Variants in FRAS1 observed in about 807,000 individuals in gnomAD.
FRAS1 encodes Fraser extracellular matrix complex subunit 1.
In FRAS1, 290 loss-of-function variants were observed where a neutral mutation model predicts 435.2. The ratio of observed to expected loss-of-function variants is 0.67; its 90% CI spans 0.61 to 0.73. The LOEUF is 0.73. Ranked by LOEUF, FRAS1 falls within the 30% of genes least tolerant of loss-of-function variation. The probability of loss-of-function intolerance (pLI) is 0.00; values close to 1 mark genes in which losing one functional copy is unlikely to be tolerated. For synonymous variants in FRAS1, 1,800 were observed against 1,851.0 expected (o/e 0.97, Z 0.71); for missense variants, 4,860 against 5,001.5 (o/e 0.97, Z 0.85).
chr4:78,213,179 A>G (rs939501021), intron 2 of FRAS1, among the ~76,000 whole-genome samples: 1 of 152,264 alleles, frequency 6.6e-6, no homozygotes, highest in Admixed American at 6.5e-5. Flanking sequence ...GTGGCCTACC[A>G]TGATTAGAAT....
intron 66 of FRAS1, 112 bp downstream of exon 66, chr4:78,516,125 C>T (rs1721202574): frequency 1.3e-6 from 1 of 741,348 alleles, no homozygotes; most frequent in Non-Finnish European, 2.2e-6. Context: ...GGACAACCAA[C>T]TAAGGGAGTC....
At chr4:78,513,654 T>A in intron 65 of FRAS1, 102 bp downstream of exon 65, 1 of 1,077,016 alleles carries the variant, frequency 9.3e-7, no homozygotes, top group Non-Finnish European at 1.4e-6. Context: ...TTTCTGGTCC[T>A]CAGAATCCAC....
intron 2 of FRAS1, among the ~76,000 whole-genome samples, chr4:78,208,468 T>A (rs1406804466): frequency 6.6e-6 from 1 of 151,988 alleles, no homozygotes; most frequent in Admixed American, 6.6e-5. Context: ...AGAAAAAGAA[T>A]TCAGAATGTC....
At chr4:78,435,560 G>A (rs528685823) in intron 38 of FRAS1, among the ~76,000 whole-genome samples, 6 of 152,180 alleles carry the variant, frequency 3.9e-5, no homozygotes, top group Non-Finnish European at 5.9e-5. Flanking sequence ...CCAACATGGC[G>A]AAACCCTGTC....
At position 78,464,593 on chromosome 4, in the gene FRAS1, C is replaced by T; in HGVS notation, c.7029+10C>T. ...GGATGCTGACACAGAGGTAAGAGCA[C>T]TTCTTCCCATGGGTTCTCTGGCTAA... On this transcript the variant is annotated intron_variant, in intron 49 of 73. Transcript: ENST00000512123. 1 of 1,613,152 alleles carries T rather than the reference C, an allele frequency of 6.2e-7. No individual in the cohort carries two copies. The highest frequency in any genetic ancestry group is 2.2e-5 in the East Asian group (1 of 44,858).
Position 78,496,929 on chromosome 4 carries a change from T to C in FRAS1, c.9083T>C (p.Met3028Thr). The change falls in exon 60 of 74, where the codon ATG becomes ACG. Residue 3028 changes from methionine (M) to threonine (T), a missense_variant. Met to Thr is a moderately conservative substitution (Grantham distance 81). Transcript: ENST00000512123. Reference sequence around the variant, plus strand: ...GGAGCTAGAATTGGAAAGAATAACATGGCCACCATCACCATATCCAATGAT... The same window carrying C: ...GGAGCTAGAATTGGAAAGAATAACACGGCCACCATCACCATATCCAATGAT... ...WSGARIGKNN[M>T]ATITISNDED... The C allele has an allele frequency of 6.2e-7, 1 of 1,613,700 alleles. No individual in the cohort carries two copies. Among genetic ancestry groups the C allele is most frequent in the Non-Finnish European group, 8.5e-7 (1 of 1,179,680 alleles).
rs369436817 is a variant in FRAS1 at position 78,354,114 on chromosome 4, A to G, written c.2423-9399A>G. 8.4e-4 allele frequency among the ~76,000 whole-genome samples: 128 copies of G among 151,714 alleles called. 1 individual carries two copies. The highest frequency in any genetic ancestry group is 3.0e-3 in the African/African-American group (124 of 41,482). On this transcript the variant is annotated intron_variant, in intron 20 of 73. Coordinates refer to ENST00000512123, the MANE Select transcript of FRAS1 (RefSeq NM_025074.7). ...GCAGTGCAAGCTGGCACCAAAACCT[A>G]GAGCTTTGCTTTTACATTTGACACT...
At chr4:78,277,684 C>T (rs1361726949) in intron 9 of FRAS1, among the ~76,000 whole-genome samples, 1 of 151,834 alleles carries the variant, frequency 6.6e-6, no homozygotes, top group Non-Finnish European at 1.5e-5. Flanking sequence ...TTACAGCAAG[C>T]ATTTATTATT....
intron 22 of FRAS1, among the ~76,000 whole-genome samples, chr4:78,365,395 A>C (rs1029280343): frequency 6.6e-6 from 1 of 152,230 alleles, no homozygotes; most frequent in Non-Finnish European, 1.5e-5. Flanking sequence ...TCCATCTTCT[A>C]TTCAGGAGCA....
At chr4:78,406,713 T>A (rs375701115) in intron 30 of FRAS1, among the ~76,000 whole-genome samples, 21 of 152,258 alleles carry the variant, frequency 1.4e-4, no homozygotes, top group African/African-American at 4.8e-4. Context: ...TATTATTTTC[T>A]TTTTACGAAT....
chr4:78,160,809 T>A (rs527634256), intron 2 of FRAS1, among the ~76,000 whole-genome samples: 2 of 152,260 alleles, frequency 1.3e-5, no homozygotes, highest in South Asian at 4.1e-4. Context: ...GCTACCCAGA[T>A]GCAAGCATAA....
At chr4:78,467,422 A>G (rs866526374) in intron 50 of FRAS1, among the ~76,000 whole-genome samples, 5 of 152,220 alleles carry the variant, frequency 3.3e-5, no homozygotes, top group African/African-American at 9.6e-5. Flanking sequence ...TTTATGGCTG[A>G]ATAGTACTCC....
chr4:78,253,881 C>A (rs1238603164), intron 5 of FRAS1, among the ~76,000 whole-genome samples: 1 of 151,816 alleles, frequency 6.6e-6, no homozygotes, highest in East Asian at 1.9e-4. Context: ...TAACTCAGTT[C>A]TCTGTCTGTG....
rs1719463214 is a variant in FRAS1 at position 78,127,955 on chromosome 4, A to G, written c.108+61939A>G. Among the ~76,000 whole-genome samples the G allele has an allele frequency of 3.9e-5, 5 of 127,698 alleles. No homozygotes were observed. In the Admixed American group the frequency reaches 4.0e-4, roughly 10 times the overall value. The allele number at this position is 127,698 out of a possible 152,430, so 83.8% of individuals were successfully genotyped here. A position where few individuals can be genotyped will look rare whatever the true frequency, so the allele number is the denominator to read the frequency against. On this transcript the variant is annotated intron_variant, in intron 2 of 73. Transcript: ENST00000512123. ...GTGTGATGTTCCCTTTCCTGTGTCCATGTGTTCTCATTGTTCGATTCCCAC... is the reference window on the plus strand; with the variant it reads ...GTGTGATGTTCCCTTTCCTGTGTCCGTGTGTTCTCATTGTTCGATTCCCAC...
chr4:78,330,005 T>C (rs545308575), intron 18 of FRAS1, among the ~76,000 whole-genome samples: 6,645 of 152,128 alleles, frequency 0.044, 406 homozygotes, highest in African/African-American at 0.14. Flanking sequence ...ATTGAGAGAA[T>C]GAACAAGCCT....
rs1721982097 is a variant in FRAS1, at chr4:78,181,132, C to A, written c.109-56378C>A. The A allele has an allele frequency of 1.9e-6, 3 of 1,577,120 alleles. No individual in the cohort carries two copies. The Admixed American group carries it at 5.0e-5, about 26-fold the overall frequency. On this transcript the variant is annotated intron_variant, in intron 2 of 73. Coordinates refer to ENST00000512123, the MANE Select transcript of FRAS1 (RefSeq NM_025074.7). The stretch of plus-strand genomic sequence containing the variant: ...TTTGATTTATGAAAACAAATCCCTT[C>A]TTCCACTGCCCATCAGCACCTTCAT...
chr4:78,176,693 T>C (rs1354474756), intron 2 of FRAS1, among the ~76,000 whole-genome samples: 1 of 152,188 alleles, frequency 6.6e-6, no homozygotes, highest in Non-Finnish European at 1.5e-5. Context: ...ACAGTGTGGC[T>C]GGGGAGAGGA....
chr4:78,215,076 T>C (rs370335897), intron 2 of FRAS1, among the ~76,000 whole-genome samples: 1 of 152,214 alleles, frequency 6.6e-6, no homozygotes, highest in Non-Finnish European at 1.5e-5. Flanking sequence ...GGGGTACACC[T>C]GATGGCTATC....
intron 22 of FRAS1, among the ~76,000 whole-genome samples, chr4:78,365,099 A>G (rs534220549): frequency 3.0e-4 from 45 of 152,314 alleles, no homozygotes; most frequent in African/African-American, 1.1e-3. Context: ...TTTTGTTTTT[A>G]TCATCATCAT....
Sources: gnomAD v4.1 joint callset for allele counts (sites outside exome capture counted in the v4.1 genomes callset) on GRCh38, gnomAD v4.1.1 for gene constraint, MANE v1.5 for transcripts, NCBI Gene and HGNC (gene_info 2026-07-23, HGNC 2026-07-21) for gene names.